The following SERPINI1 variants were observed in gnomAD, a reference collection of about 807,000 sequenced individuals.
SERPINI1 encodes serpin family I member 1, also known as neuroserpin.
In SERPINI1, 19 loss-of-function variants were observed where a neutral mutation model predicts 41.1. The ratio of observed to expected loss-of-function variants is 0.46; its 90% CI spans 0.32 to 0.68. The LOEUF is 0.68. SERPINI1 is among the 30% of genes least tolerant of loss of function. SERPINI1 has a pLI of 0.03. For missense variants in SERPINI1, 460 were observed against 479.2 expected, an observed-to-expected ratio of 0.96 and a Z score of 0.37; for synonymous variants, 138 against 156.6, an observed-to-expected ratio of 0.88 and a Z score of 0.89.
chr3:167,777,111 G>A (rs6800265), intron 1 of SERPINI1, among the ~76,000 whole-genome samples: 19,433 of 151,720 alleles, frequency 0.13, 1,506 homozygotes, highest in African/African-American at 0.21. Context: ...TTTAAGTAGG[G>A]GCCCCCCTTA....
intron 5 of SERPINI1, among the ~76,000 whole-genome samples, chr3:167,797,931 T>C (rs1233481245): frequency 6.6e-6 from 1 of 152,152 alleles, no homozygotes; most frequent in Non-Finnish European, 1.5e-5. Context: ...TAATTTTGTA[T>C]TTTTTCTTGC....
In SERPINI1 at chr3:167,792,738, T is replaced by G. The variant is rs1727573233; in HGVS notation, c.630T>G (p.Ser210Arg). 6.2e-7 allele frequency: 1 copy of G among 1,613,884 alleles called. No homozygotes were observed. Among genetic ancestry groups the G allele is most frequent in the Non-Finnish European group, 8.5e-7 (1 of 1,179,874 alleles). ...RTFSFTKDDE[S>R]EVQIPMMYQQ... Reference sequence around the variant, plus strand: ...TTTCTTTCACTAAAGATGATGAAAGTGAAGTCCAAATTCCAATGATGTATC... The same window carrying G: ...TTTCTTTCACTAAAGATGATGAAAGGGAAGTCCAAATTCCAATGATGTATC... Residue 210 changes from serine to arginine, a missense_variant, in exon 4 of 9, where the codon AGT becomes AGG. Transcript: ENST00000446050.
intron 1 of SERPINI1, among the ~76,000 whole-genome samples, chr3:167,741,855 G>C (rs187838154): frequency 7.5e-4 from 114 of 152,224 alleles, no homozygotes; most frequent in Middle Eastern, 3.4e-3. Flanking sequence ...TACAATACCA[G>C]ATGAAATTAT....
chr3:167,793,594 A>ATTTTTT (rs544906097), intron 4 of SERPINI1, among the ~76,000 whole-genome samples: 19 of 106,416 alleles, frequency 1.8e-4, no homozygotes, highest in African/African-American at 7.1e-4. Context: ...ATATATATAT[A>ATTTTTT]TATTTTTAAT....
chr3:167,791,391 TCTC>T (rs1477147254), intron 3 of SERPINI1, among the ~76,000 whole-genome samples: 2 of 152,120 alleles, frequency 1.3e-5, no homozygotes, highest in Non-Finnish European at 2.9e-5. Context: ...TATCCCTTAA[TCTC>T]CAAGATGTAG....
chr3:167,783,347 G>C (rs980080684), intron 1 of SERPINI1, among the ~76,000 whole-genome samples: 2 of 152,160 alleles, frequency 1.3e-5, no homozygotes, highest in African/African-American at 2.4e-5. Flanking sequence ...AAAGAAAAAA[G>C]AGTAGGTTTG....
At chr3:167,799,776 T>G (rs1034531440) in intron 5 of SERPINI1, among the ~76,000 whole-genome samples, 5 of 152,246 alleles carry the variant, frequency 3.3e-5, no homozygotes, top group Admixed American at 2.6e-4. Flanking sequence ...TGCTTTTGAT[T>G]TGCATTTCTC....
Position 167,797,973 on chromosome 3 carries a change from G to T in SERPINI1, c.881+3149G>T, listed in dbSNP as rs375826967. Among the ~76,000 whole-genome samples the T allele has an allele frequency of 5.3e-5, 8 of 152,034 alleles. No individual in the cohort carries two copies. In the East Asian group the frequency reaches 1.4e-3, roughly 26 times the overall value. ...TGAAGAATTCTTTTTGATAAAATGA[G>T]AAATTCAGTACAGTGTTAATGCTTC... On this transcript the variant is annotated intron_variant, in intron 5 of 8. Coordinates refer to ENST00000446050, the MANE Select transcript of SERPINI1 (RefSeq NM_001122752.2).
chr3:167,744,827 A>AAT (rs201096812), intron 1 of SERPINI1, among the ~76,000 whole-genome samples: 169 of 123,318 alleles, frequency 1.4e-3, no homozygotes, highest in African/African-American at 5.1e-3. Context: ...TTATATATAT[A>AAT]ATATATATAT....
chr3:167,745,743 CTA>C (rs375050905), intron 1 of SERPINI1, among the ~76,000 whole-genome samples: 122 of 152,056 alleles, frequency 8.0e-4, no homozygotes, highest in Middle Eastern at 3.4e-3. Context: ...TATAAAGAAA[CTA>C]ATTGTATTTT....
chr3:167,781,091 C>T (rs141955513), intron 1 of SERPINI1, among the ~76,000 whole-genome samples: 67 of 152,110 alleles, frequency 4.4e-4, no homozygotes, highest in Non-Finnish European at 7.5e-4. Flanking sequence ...AAAGTGTGAC[C>T]CCCTTTTCTT....
At chr3:167,795,039 G>T (rs913215987) in intron 5 of SERPINI1, among the ~76,000 whole-genome samples, 1 of 151,246 alleles carries the variant, frequency 6.6e-6, no homozygotes, top group Non-Finnish European at 1.5e-5. Context: ...TACTCATGTG[G>T]TCCTTCCCGT....
intron 1 of SERPINI1, among the ~76,000 whole-genome samples, chr3:167,751,859 A>G (rs1726057739): frequency 1.3e-5 from 2 of 152,138 alleles, no homozygotes; most frequent in Admixed American, 1.3e-4. Flanking sequence ...CTGTCCCACA[A>G]TATAAATGGA....
At chr3:167,780,424 C>T (rs1727084240) in intron 1 of SERPINI1, among the ~76,000 whole-genome samples, 1 of 152,172 alleles carries the variant, frequency 6.6e-6, no homozygotes, top group African/African-American at 2.4e-5. Flanking sequence ...AAGCAGTTGT[C>T]CTCAGCATAG....
chr3:167,820,935 A>C (rs955867076), intron 6 of SERPINI1, among the ~76,000 whole-genome samples: 6 of 152,134 alleles, frequency 3.9e-5, no homozygotes, highest in African/African-American at 1.2e-4. Context: ...GAAGCCTATA[A>C]AAACCCCCAA....
intron 1 of SERPINI1, among the ~76,000 whole-genome samples, chr3:167,771,427 A>C (rs1022569179): frequency 2.6e-5 from 4 of 152,192 alleles, no homozygotes; most frequent in African/African-American, 9.7e-5. Context: ...ACGAATGTAT[A>C]TTATGTTGTT....
intron 4 of SERPINI1, among the ~76,000 whole-genome samples, chr3:167,793,832 ATATG>A (rs1234699147): frequency 8.2e-6 from 1 of 122,284 alleles, no homozygotes. Context: ...CATTTTGGCC[ATATG>A]TATGTGTGTG....
intron 1 of SERPINI1, among the ~76,000 whole-genome samples, chr3:167,773,288 G>T (rs894778544): frequency 6.6e-6 from 1 of 152,074 alleles, no homozygotes; most frequent in Non-Finnish European, 1.5e-5. Context: ...ACAGTTTCCT[G>T]TTAGTGAGGA....
chr3:167,817,795 T>C (rs1196496049), intron 6 of SERPINI1, among the ~76,000 whole-genome samples: 1 of 151,574 alleles, frequency 6.6e-6, no homozygotes, highest in Non-Finnish European at 1.5e-5. Flanking sequence ...GAGACGGGGT[T>C]TCACCGTGTT....
Sources: allele counts gnomAD v4.1 joint callset (sites outside exome capture counted in the v4.1 genomes callset), GRCh38; gene constraint gnomAD v4.1.1; transcripts MANE v1.5; gene names NCBI Gene and HGNC (gene_info 2026-07-23, HGNC 2026-07-21).